RP1: variants seen among roughly 807,000 people sequenced by gnomAD.
RP1 encodes oxygen-regulated protein 1.
In RP1, 16 loss-of-function variants were observed where a neutral mutation model predicts 14.8. That is an observed-to-expected ratio of 1.08 (90% CI 0.73 to 1.65). The LOEUF (loss-of-function observed/expected upper bound fraction) is 1.65. RP1 is among the 40% of genes most tolerant of loss of function. The pLI, the probability that RP1 is intolerant of heterozygous loss-of-function variation, is 0.00. For synonymous variants in RP1, 876 were observed against 883.6 expected, an observed-to-expected ratio of 0.99 and a Z score of 0.15; for missense variants, 2,631 against 2,535.0, an observed-to-expected ratio of 1.04 and a Z score of -0.81.
At chr8:54,750,321 C>A (rs933704596) in intron 19 of RP1, among the ~76,000 whole-genome samples, 1 of 152,134 alleles carries the variant, frequency 6.6e-6, no homozygotes, top group Non-Finnish European at 1.5e-5. Context: ...TTATCATAAT[C>A]CTAATTGAGA....
chr8:54,661,305 A>ATATATAAAT lies in RP1; in HGVS notation c.1172-2394_1172-2393insTATATAAAT, dbSNP rs59724638. On this transcript the variant is annotated intron_variant, in intron 6 of 22. Coordinates refer to the RP1 transcript ENST00000636932. ...ATGATATATAAATGATATATATATG[A>ATATATAAAT]GATATATATATATATATGAGAAAAT... Among the ~76,000 whole-genome samples, 143 of 141,068 alleles carry ATATATAAAT rather than the reference A, an allele frequency of 1.0e-3. 1 individual carries two copies. In the Middle Eastern group the frequency reaches 0.03, roughly 29 times the overall value. 92.5% of individuals were successfully genotyped at this position (141,068 alleles called of 152,430 possible). A position where few individuals can be genotyped will look rare whatever the true frequency, so the allele number is the denominator to read the frequency against.
Position 54,624,796 on chromosome 8 carries a change from A to C in RP1, c.914A>C (p.Asn305Thr). 6.2e-7 allele frequency: 1 copy of C among 1,614,078 alleles called. No individual in the cohort carries two copies. Among genetic ancestry groups the C allele is most frequent in the Non-Finnish European group, 8.5e-7 (1 of 1,179,980 alleles). ...VPEKYLALEK[N>T]DSQNLPIYPS... ...GAAAAGTACTTGGCCTTAGAAAAGA[A>C]TGATTCTCAGAATTTACCAATATAT... Residue 305 changes from asparagine (N) to threonine (T), a missense_variant, in exon 4 of 4, where the codon AAT becomes ACT. Transcript: ENST00000220676.
chr8:54,775,869 T>C (rs929776386), intron 23 of RP1, among the ~76,000 whole-genome samples: 1 of 152,198 alleles, frequency 6.6e-6, no homozygotes, highest in Non-Finnish European at 1.5e-5. Flanking sequence ...CACACAGTAA[T>C]GTGGGTCTGA....
chr8:54,807,794 T>G (rs1437121103), intron 24 of RP1, among the ~76,000 whole-genome samples: 8 of 152,140 alleles, frequency 5.3e-5, no homozygotes, highest in Non-Finnish European at 1.0e-4. Flanking sequence ...GCTGGCAGGC[T>G]TGAACCCAAA....
intron 12 of RP1, among the ~76,000 whole-genome samples, chr8:54,697,507 A>T (rs1010198204): frequency 6.6e-6 from 1 of 152,148 alleles, no homozygotes; most frequent in African/African-American, 2.4e-5. Flanking sequence ...GTGAGCCAAG[A>T]TTGTGCCATT....
chr8:54,609,264 C>T (rs764491770), intron 1 of RP1, among the ~76,000 whole-genome samples: 3 of 151,698 alleles, frequency 2.0e-5, no homozygotes, highest in Non-Finnish European at 4.4e-5. Flanking sequence ...AGTTTGAGAC[C>T]AGTCAGGGAA....
intron 22 of RP1, among the ~76,000 whole-genome samples, chr8:54,759,882 G>T (rs1043059358): frequency 6.6e-6 from 1 of 152,124 alleles, no homozygotes; most frequent in African/African-American, 2.4e-5. Context: ...GTTCCATTTT[G>T]AAAATTTGAA....
intron 16 of RP1, among the ~76,000 whole-genome samples, chr8:54,723,329 A>G (rs1210428593): frequency 6.6e-6 from 1 of 152,206 alleles, no homozygotes; most frequent in Non-Finnish European, 1.5e-5. Context: ...ATAGATTTCT[A>G]AAAGACAAGA....
At chr8:54,713,764 G>C (rs1343151341) in intron 15 of RP1, among the ~76,000 whole-genome samples, 1 of 152,128 alleles carries the variant, frequency 6.6e-6, no homozygotes, top group Non-Finnish European at 1.5e-5. Context: ...TATAAATCGT[G>C]TTTTACCTAA....
chr8:54,627,188 G>T lies in RP1; in HGVS notation c.3306G>T (p.Gln1102His). 1.2e-6 allele frequency: 2 copies of T among 1,614,048 alleles called. No individual in the cohort carries two copies. The highest frequency in any genetic ancestry group is 1.7e-6 in the Non-Finnish European group (2 of 1,179,978). The change falls in exon 4 of 4, where the codon CAG (glutamine) becomes CAT (histidine). Residue 1102 changes from glutamine to histidine, a missense_variant. Physicochemically the swap from Gln to His is conservative, Grantham distance 24 (BLOSUM62 0). Transcript: ENST00000220676. ...QASVPGIHKT[Q>H]NGVVQMPGSL... Reference sequence around the variant, plus strand: ...CAGTTCCTGGTATTCACAAGACTCAGAATGGAGTTGTTCAAATGCCAGGTT... The same window carrying T: ...CAGTTCCTGGTATTCACAAGACTCATAATGGAGTTGTTCAAATGCCAGGTT...
At chr8:54,640,038 A>G (rs974797754) in intron 3 of RP1, among the ~76,000 whole-genome samples, 4 of 149,292 alleles carry the variant, frequency 2.7e-5, no homozygotes, top group East Asian at 2.0e-4. Flanking sequence ...CAATGACAAG[A>G]TTTTCTCCTG....
At chr8:54,616,836 G>A (rs1282985994) in intron 1 of RP1, among the ~76,000 whole-genome samples, 4 of 152,200 alleles carry the variant, frequency 2.6e-5, no homozygotes, top group Admixed American at 6.5e-5. Context: ...TGTCAAGTGA[G>A]TGAGAGAGTG....
intron 6 of RP1, chr8:54,656,218 A>T (rs1350697842): frequency 3.3e-6 from 5 of 1,533,904 alleles, no homozygotes; most frequent in Middle Eastern, 1.7e-4. Flanking sequence ...CCTTCCAGGT[A>T]GGAAAGATTC....
chr8:54,655,616 T>C (rs1466943018), intron 5 of RP1, among the ~76,000 whole-genome samples: 1 of 152,178 alleles, frequency 6.6e-6, no homozygotes, highest in Non-Finnish European at 1.5e-5. Context: ...AAATAATATA[T>C]TTCTAAAAAT....
At chr8:54,603,535 C>T (rs1240137042) in intron 1 of RP1, among the ~76,000 whole-genome samples, 2 of 151,534 alleles carry the variant, frequency 1.3e-5, no homozygotes, top group Non-Finnish European at 2.9e-5. Flanking sequence ...TTTTTTGGTT[C>T]CATATGAACT....
At chr8:54,802,597 G>T (rs1810739853) in intron 24 of RP1, among the ~76,000 whole-genome samples, 1 of 152,174 alleles carries the variant, frequency 6.6e-6, no homozygotes, top group African/African-American at 2.4e-5. Context: ...CTTTCTTTCT[G>T]AAAGGTAAGG....
intron 25 of RP1, among the ~76,000 whole-genome samples, chr8:54,850,923 T>G (rs186042628): frequency 7.9e-5 from 12 of 152,320 alleles, no homozygotes; most frequent in Admixed American, 5.9e-4. Context: ...ATCTCCCAAT[T>G]TAAACTATGT....
exon 29 of RP1, chr8:54,870,795 A>G (rs1563402138): frequency 1.3e-5 from 2 of 152,278 alleles, no homozygotes; most frequent in Middle Eastern, 3.4e-3. Context: ...GGTAGATGCT[A>G]TCATCACCCA....
At chr8:54,585,218 CT>C (rs774593515) in intron 1 of RP1, among the ~76,000 whole-genome samples, 2 of 152,154 alleles carry the variant, frequency 1.3e-5, no homozygotes, top group African/African-American at 2.4e-5. Context: ...TCAGCATTTG[CT>C]TGTCTGTAAA....
Sources: allele counts gnomAD v4.1 joint callset (sites outside exome capture counted in the v4.1 genomes callset), GRCh38; gene constraint gnomAD v4.1.1; transcripts MANE v1.5; gene names NCBI Gene and HGNC (gene_info 2026-07-23, HGNC 2026-07-21).